Variants in BTBD9 observed in about 807,000 individuals in gnomAD.
The protein encoded by BTBD9 is BTB/POZ domain-containing protein 9.
In BTBD9, 49 loss-of-function variants were observed where a neutral mutation model predicts 64.3. The observed-to-expected ratio is 0.76, with a 90% confidence interval of 0.61 to 0.97. The LOEUF is 0.97. BTBD9 is among the 50% of genes least tolerant of loss of function. BTBD9 has a pLI of 0.00. For missense variants in BTBD9, 598 were observed against 762.1 expected (o/e 0.78, Z 2.53); for synonymous variants, 260 against 274.7 (o/e 0.95, Z 0.53).
chr6:38,193,582 T>C (rs1386689646), intron 9 of BTBD9, among the ~76,000 whole-genome samples: 1 of 151,866 alleles, frequency 6.6e-6, no homozygotes, highest in Non-Finnish European at 1.5e-5. Flanking sequence ...AGAGGAGGAG[T>C]TCTGCTCTTG....
chr6:38,264,168 C>T (rs1455035133), intron 8 of BTBD9, among the ~76,000 whole-genome samples: 3 of 152,078 alleles, frequency 2.0e-5, no homozygotes, highest in Non-Finnish European at 4.4e-5. Context: ...GAGAGCCTTG[C>T]AAAGATGGAA....
intron 2 of BTBD9, chr6:38,596,205 G>A: frequency 3.2e-6 from 1 of 311,738 alleles, no homozygotes; most frequent in Non-Finnish European, 4.7e-6. Context: ...TAGACTTAGA[G>A]GTAGAGCTTA....
At chr6:38,373,998 C>T (rs1189479232) in intron 6 of BTBD9, among the ~76,000 whole-genome samples, 1 of 151,804 alleles carries the variant, frequency 6.6e-6, no homozygotes, top group African/African-American at 2.4e-5. Context: ...CAGCTAGGTG[C>T]AGTGGCTCAG....
intron 4 of BTBD9, 91 bp from the exon 5 acceptor site, chr6:38,580,528 T>C: frequency 9.3e-7 from 1 of 1,073,736 alleles, no homozygotes; most frequent in Non-Finnish European, 1.4e-6. Flanking sequence ...TCCAGTTTAT[T>C]CTAGTATCTG....
intron 8 of BTBD9, among the ~76,000 whole-genome samples, chr6:38,257,883 G>A (rs920024355): frequency 6.6e-6 from 1 of 151,950 alleles, no homozygotes; most frequent in Non-Finnish European, 1.5e-5. Context: ...TTTGATCTGA[G>A]TGGTAGTTAC....
chr6:38,175,495 T>C (rs1230232977), intron 10 of BTBD9, among the ~76,000 whole-genome samples: 4 of 152,242 alleles, frequency 2.6e-5, no homozygotes, highest in Non-Finnish European at 5.9e-5. Context: ...TAATGGGCTC[T>C]TTTTTCTTTT....
intron 1 of BTBD9, among the ~76,000 whole-genome samples, chr6:38,618,949 T>C (rs1355219808): frequency 6.6e-6 from 1 of 152,172 alleles, no homozygotes; most frequent in African/African-American, 2.4e-5. Flanking sequence ...GGATCCCCAC[T>C]GGGACCTAGA....
rs1473753233 is a variant in BTBD9 at position 38,288,295 on chromosome 6, T to C, written c.1431A>G (p.Gln477=). 1.9e-6 allele frequency: 3 copies of C among 1,614,022 alleles called. No individual in the cohort carries two copies. Among genetic ancestry groups the C allele is most frequent in the Non-Finnish European group, 2.5e-6 (3 of 1,180,004 alleles). The stretch of plus-strand genomic sequence containing the variant: ...ACCGTATTGACCCAATCATGTACGG[T>C]TGTGCCAACTGAACCACAATCGCAC... ...GSGAIVVQLA[Q]PYMIGSIRLL... is the part of the protein sequence containing the mutation. Residue 477 remains glutamine (Q), a synonymous_variant, in exon 8 of 11, where the codon CAA becomes CAG. Coordinates refer to ENST00000481247, the MANE Select transcript of BTBD9 (RefSeq NM_001099272.2).
intron 6 of BTBD9, among the ~76,000 whole-genome samples, chr6:38,375,027 T>C (rs976453793): frequency 2.0e-5 from 3 of 152,190 alleles, no homozygotes; most frequent in Non-Finnish European, 4.4e-5. Context: ...CAGGAGTATA[T>C]ACTGAATCAT....
At position 38,205,894 on chromosome 6, in the gene BTBD9, AAG is replaced by A. The variant is rs1316873471; in HGVS notation, c.1563-13299_1563-13298del. On this transcript the variant is annotated intron_variant, in intron 9 of 10. Transcript: ENST00000481247. ...GAGTCTGTCTCAAAAAAAAAAAAGAAAGAAAGAAAGAAAGGAAGTTATGGGAT... is the reference window on the plus strand; with the variant it reads ...GAGTCTGTCTCAAAAAAAAAAAAGAAAAAGAAAGAAAGGAAGTTATGGGAT... Among the ~76,000 whole-genome samples the A allele has an allele frequency of 2.1e-4, 30 of 146,240 alleles. 6 individuals are homozygous for A. In the East Asian group the frequency reaches 3.4e-3, roughly 16 times the overall value.
In BTBD9 at chr6:38,300,172, AT is replaced by A. The variant is rs1488163205; in HGVS notation, c.1265-11712del. 1.1e-4 allele frequency among the ~76,000 whole-genome samples: 17 copies of A among 152,260 alleles called. 1 individual carries two copies. The South Asian group carries it at 3.5e-3, about 32-fold the overall frequency. ...TGTCAAAGATCAGATAGTTGTAGATATGCAGCATTATTTCTGAGGGCTCTGT... is the reference window on the plus strand; with the variant it reads ...TGTCAAAGATCAGATAGTTGTAGATAGCAGCATTATTTCTGAGGGCTCTGT... On this transcript the variant is annotated intron_variant, in intron 7 of 10. Transcript: ENST00000481247.
At chr6:38,639,275 T>A (rs1442359201) in intron 1 of BTBD9, among the ~76,000 whole-genome samples, 2 of 152,242 alleles carry the variant, frequency 1.3e-5, no homozygotes, top group South Asian at 2.1e-4. Context: ...GGATCTATAC[T>A]GACAGGTCGC....
At chr6:38,417,803 A>AAGAGAGAGAGAGAGAGAGAGAG (rs1562156240) in intron 6 of BTBD9, among the ~76,000 whole-genome samples, 1 of 145,048 alleles carries the variant, frequency 6.9e-6, no homozygotes, top group African/African-American at 2.6e-5. Context: ...AGAGAGAGAA[A>AAGAGAGAGAGAGAGAGAGAGAG]AAAAATATTG....
At chr6:38,418,716 G>A (rs1049525335) in intron 6 of BTBD9, among the ~76,000 whole-genome samples, 2 of 152,164 alleles carry the variant, frequency 1.3e-5, no homozygotes, top group African/African-American at 4.8e-5. Flanking sequence ...TGTACTATAT[G>A]TATAACTGTA....
chr6:38,634,739 C>G (rs559916716), intron 1 of BTBD9, among the ~76,000 whole-genome samples: 3 of 152,128 alleles, frequency 2.0e-5, no homozygotes, highest in Non-Finnish European at 4.4e-5. Context: ...TAAATGAAAT[C>G]TGTGTGTGAG....
At chr6:38,346,439 C>G (rs569440208) in intron 6 of BTBD9, among the ~76,000 whole-genome samples, 1 of 152,052 alleles carries the variant, frequency 6.6e-6, no homozygotes, top group Non-Finnish European at 1.5e-5. Context: ...AATATTAATG[C>G]TATGTCCTGA....
At chr6:38,554,874 A>G (rs1327750066) in intron 6 of BTBD9, among the ~76,000 whole-genome samples, 3 of 152,244 alleles carry the variant, frequency 2.0e-5, no homozygotes, top group Non-Finnish European at 4.4e-5. Context: ...CAAGTCTACC[A>G]GTAGGCCAAA....
At chr6:38,200,364 A>C (rs1255957916) in intron 9 of BTBD9, among the ~76,000 whole-genome samples, 1 of 152,276 alleles carries the variant, frequency 6.6e-6, no homozygotes, top group Non-Finnish European at 1.5e-5. Context: ...AGAAACTAGA[A>C]AAGGAGGAAC....
chr6:38,367,930 AGTG>A (rs2127602578), intron 6 of BTBD9, among the ~76,000 whole-genome samples: 1 of 150,706 alleles, frequency 6.6e-6, no homozygotes, highest in South Asian at 2.1e-4. Context: ...ATATGTGTGT[AGTG>A]GTGGTGGTAG....
Sources: allele counts gnomAD v4.1 joint callset (sites outside exome capture counted in the v4.1 genomes callset), GRCh38; gene constraint gnomAD v4.1.1; transcripts MANE v1.5; gene names NCBI Gene and HGNC (gene_info 2026-07-23, HGNC 2026-07-21).